The following PTPN13 variants were observed in gnomAD, a reference collection of about 807,000 sequenced individuals.
PTPN13 encodes the protein tyrosine-protein phosphatase non-receptor type 13.
A neutral mutation model predicts 284.0 loss-of-function variants in PTPN13; 191 were observed. That is an observed-to-expected ratio of 0.67 (90% CI 0.60 to 0.76). PTPN13 has a LOEUF of 0.76. Ranked by LOEUF, PTPN13 falls within the 30% of genes least tolerant of loss-of-function variation. The pLI is 0.00. For missense variants in PTPN13, 2,797 were observed against 2,939.9 expected (o/e 0.95, Z 1.12); for synonymous variants, 986 against 1,022.3 (o/e 0.96, Z 0.68).
intron 7 of PTPN13, among the ~76,000 whole-genome samples, chr4:86,708,208 A>G (rs998721856): frequency 1.3e-5 from 2 of 152,178 alleles, no homozygotes; most frequent in Admixed American, 1.3e-4. Context: ...AGTAGTCACC[A>G]TATTGGACAG....
chr4:86,783,624 G>A (rs1279243050), intron 37 of PTPN13, among the ~76,000 whole-genome samples: 1 of 152,038 alleles, frequency 6.6e-6, no homozygotes, highest in Non-Finnish European at 1.5e-5. Context: ...TCATAATCCA[G>A]TGATGCTTTT....
chr4:86,812,305 G>T (rs1345226399), intron 47 of PTPN13, among the ~76,000 whole-genome samples: 4 of 95,982 alleles, frequency 4.2e-5, no homozygotes, highest in Non-Finnish European at 5.7e-5. Context: ...GCGAGACTCC[G>T]TCTCAAAAAA....
intron 45 of PTPN13, among the ~76,000 whole-genome samples, chr4:86,808,709 T>C (rs1744908685): frequency 1.3e-5 from 2 of 152,238 alleles, no homozygotes; most frequent in African/African-American, 4.8e-5. Context: ...TTCCAGTGAT[T>C]TATCCACTTA....
At position 86,767,939 on chromosome 4, in the gene PTPN13, A is replaced by G; in HGVS notation, c.4452A>G (p.Lys1484=). ...AQGQGPEKVK[K]TTQVKDYSFV... is the part of the protein sequence containing the mutation. ...GTCAAGGCCCAGAAAAAGTGAAGAA[A>G]ACAACTCAGGTCAAAGACTACAGCT... Residue 1484 remains lysine (K), a synonymous_variant, in exon 28 of 48, where the codon AAA becomes AAG. Transcript: ENST00000411767. The G allele has an allele frequency of 6.2e-7, 1 of 1,611,532 alleles. No homozygotes were observed. The highest frequency in any genetic ancestry group is 8.5e-7 in the Non-Finnish European group (1 of 1,178,858).
Position 86,766,458 on chromosome 4 carries a change from G to A in PTPN13, c.4270G>A (p.Val1424Ile), listed in dbSNP as rs1739322430. ...KGDRVLAVNG[V>I]SLEGATHKQA... ...TGATCGCGTCCTAGCTGTCAATGGA[G>A]TTAGTCTAGAAGGAGCCACCCATAA... Residue 1424 changes from valine (V) to isoleucine (I), a missense_variant, in exon 27 of 48, where the codon GTT becomes ATT. Val to Ile is a conservative substitution (Grantham distance 29, BLOSUM62 3). Coordinates refer to ENST00000411767, the MANE Select transcript of PTPN13 (RefSeq NM_080683.3). 3 of 1,609,564 alleles carry A rather than the reference G, an allele frequency of 1.9e-6. No homozygotes were observed. The highest frequency in any genetic ancestry group is 2.5e-6 in the Non-Finnish European group (3 of 1,178,814).
intron 6 of PTPN13, 119 bp downstream of exon 6, chr4:86,693,793 G>A (rs1389959456): frequency 2.4e-5 from 14 of 590,050 alleles, no homozygotes; most frequent in Non-Finnish European, 3.9e-5. Context: ...GAACGTAAAC[G>A]TACAAACTGG....
chr4:86,791,258 G>T (rs1467601642), intron 40 of PTPN13, among the ~76,000 whole-genome samples: 1 of 152,178 alleles, frequency 6.6e-6, no homozygotes, highest in Non-Finnish European at 1.5e-5. Flanking sequence ...AGCAGTCTGA[G>T]ATCAACCTGT....
chr4:86,653,495 CTTT>C (rs561218570), intron 2 of PTPN13, among the ~76,000 whole-genome samples: 1 of 141,054 alleles, frequency 7.1e-6, no homozygotes, highest in Admixed American at 7.1e-5. Context: ...CGCCTCAACT[CTTT>C]TTTTTTTTTT....
intron 12 of PTPN13, 75 bp from the exon 13 acceptor site, chr4:86,734,227 CA>C (rs1233111207): frequency 8.3e-7 from 1 of 1,202,310 alleles, no homozygotes; most frequent in East Asian, 2.6e-5. Context: ...CAAGTCTGAC[CA>C]AAAAGTGAAG....
intron 3 of PTPN13, among the ~76,000 whole-genome samples, chr4:86,681,756 C>T (rs1728908431): frequency 6.6e-6 from 1 of 151,998 alleles, no homozygotes; most frequent in Non-Finnish European, 1.5e-5. Context: ...GGCGAAACCC[C>T]GTCTCTACTA....
chr4:86,724,349 T>C (rs1404289173), intron 10 of PTPN13, among the ~76,000 whole-genome samples: 17 of 152,166 alleles, frequency 1.1e-4, no homozygotes, highest in Admixed American at 5.9e-4. Flanking sequence ...CAGCACAAAC[T>C]GCACGTACAT....
intron 15 of PTPN13, among the ~76,000 whole-genome samples, chr4:86,740,476 G>T (rs1736047732): frequency 6.6e-6 from 1 of 152,136 alleles, no homozygotes; most frequent in Admixed American, 6.5e-5. Context: ...CTGGGACACA[G>T]GGCACCAAGT....
At chr4:86,628,352 T>C (rs1202864679) in intron 1 of PTPN13, among the ~76,000 whole-genome samples, 1 of 152,126 alleles carries the variant, frequency 6.6e-6, no homozygotes, top group Non-Finnish European at 1.5e-5. Flanking sequence ...CATGTGCTCA[T>C]TTGCCAGCCG....
intron 41 of PTPN13, among the ~76,000 whole-genome samples, 182 bp from the exon 42 acceptor site, chr4:86,798,919 A>G (rs1743667059): frequency 6.6e-6 from 1 of 152,242 alleles, no homozygotes; most frequent in South Asian, 2.1e-4. Flanking sequence ...TTAAAACTGT[A>G]TTAAACCATT....
At chr4:86,731,299 T>A (rs1189745281) in intron 10 of PTPN13, among the ~76,000 whole-genome samples, 1 of 152,164 alleles carries the variant, frequency 6.6e-6, no homozygotes, top group East Asian at 1.9e-4. Flanking sequence ...CCACTCAGAG[T>A]CTAACTTGTT....
At chr4:86,653,084 A>G (rs1395726759) in intron 2 of PTPN13, among the ~76,000 whole-genome samples, 2 of 151,794 alleles carry the variant, frequency 1.3e-5, no homozygotes, top group Non-Finnish European at 2.9e-5. Context: ...CAGAATTTCT[A>G]CTTGATTTTT....
chr4:86,663,380 G>T (rs1293701625), intron 2 of PTPN13, among the ~76,000 whole-genome samples: 2 of 152,196 alleles, frequency 1.3e-5, no homozygotes, highest in South Asian at 2.1e-4. Flanking sequence ...AACAAAGTGT[G>T]ATCTAATGGT....
intron 38 of PTPN13, 83 bp from the exon 39 acceptor site, chr4:86,785,148 T>A: frequency 9.2e-7 from 1 of 1,088,146 alleles, no homozygotes; most frequent in Non-Finnish European, 1.3e-6. Flanking sequence ...TGAAAGCACC[T>A]AGCAAATTCT....
At position 86,771,341 on chromosome 4, in the gene PTPN13, T is replaced by G; in HGVS notation, c.4974T>G (p.Ser1658Arg). 1 of 1,592,164 alleles carries G rather than the reference T, an allele frequency of 6.3e-7. No homozygotes were observed. Among genetic ancestry groups the G allele is most frequent in the South Asian group, 1.1e-5 (1 of 87,426 alleles). The change falls in exon 31 of 48, where the codon AGT (serine) becomes AGG (arginine). Residue 1658 changes from serine to arginine, a missense_variant. Coordinates refer to ENST00000411767, the MANE Select transcript of PTPN13 (RefSeq NM_080683.3). ...RRDSYSDSSG[S>R]GEDDLVTAPA... is the part of the protein sequence containing the mutation. ...ACAGTTACAGTGACAGCAGTGGGAG[T>G]GGAGAAGATGACTTAGTGACAGCTC...
Sources: allele counts gnomAD v4.1 joint callset (sites outside exome capture counted in the v4.1 genomes callset), GRCh38; gene constraint gnomAD v4.1.1; transcripts MANE v1.5; gene names NCBI Gene and HGNC (gene_info 2026-07-23, HGNC 2026-07-21).